The following BANF2 variants were observed in gnomAD, a reference collection of about 807,000 sequenced individuals.
BANF2 encodes barrier-to-autointegration factor-like protein.
A neutral mutation model predicts 8.0 loss-of-function variants in BANF2; 4 were observed. The observed-to-expected ratio is 0.50, with a 90% CI of 0.25 to 1.14. BANF2 has a LOEUF of 1.14. BANF2 is among the 50% of genes most tolerant of loss of function. The probability of loss-of-function intolerance (pLI) is 0.16; values close to 1 mark genes in which losing one functional copy is unlikely to be tolerated. For synonymous variants in BANF2, 50 were observed against 40.6 expected, an observed-to-expected ratio of 1.23 and a Z score of -0.88; for missense variants, 96 against 107.5, an observed-to-expected ratio of 0.89 and a Z score of 0.47.
chr20:17,708,054 A>C (rs1321384002), intron 1 of BANF2, among the ~76,000 whole-genome samples: 3 of 151,142 alleles, frequency 2.0e-5, no homozygotes, highest in Admixed American at 2.0e-4. Context: ...ATCAAAAAAA[A>C]AAAAAAAAAA....
At chr20:17,717,633 T>A (rs1334042527) in intron 1 of BANF2, among the ~76,000 whole-genome samples, 1 of 152,198 alleles carries the variant, frequency 6.6e-6, no homozygotes. Flanking sequence ...ATTCTTTTTA[T>A]CATAAAGGTA....
upstream of BANF2, among the ~76,000 whole-genome samples, chr20:17,697,839 G>T (rs2037359387): frequency 6.6e-6 from 1 of 152,164 alleles, no homozygotes; most frequent in African/African-American, 2.4e-5. Context: ...TGTCCTGGGG[G>T]CAGATCCCTC....
intron 1 of BANF2, among the ~76,000 whole-genome samples, chr20:17,714,954 C>T (rs1013023157): frequency 2.6e-5 from 4 of 152,048 alleles, no homozygotes; most frequent in Admixed American, 6.5e-5. Context: ...GGATTGTGGA[C>T]CTGTATGAAT....
intron 1 of BANF2, among the ~76,000 whole-genome samples, chr20:17,717,447 G>A (rs1456156840): frequency 1.3e-5 from 2 of 151,954 alleles, no homozygotes; most frequent in Non-Finnish European, 2.9e-5. Context: ...TTGAATATAC[G>A]AATCTACATT....
intron 1 of BANF2, among the ~76,000 whole-genome samples, chr20:17,720,664 A>C (rs745923171): frequency 3.3e-5 from 5 of 152,222 alleles, no homozygotes; most frequent in Non-Finnish European, 7.3e-5. Context: ...AAAGATGGAG[A>C]CTTGCTCTTC....
intron 1 of BANF2, among the ~76,000 whole-genome samples, chr20:17,703,147 T>C (rs1274384861): frequency 6.6e-6 from 1 of 152,262 alleles, no homozygotes; most frequent in Non-Finnish European, 1.5e-5. Context: ...GGTTTGCCCC[T>C]GTTCAACAGG....
rs566910721 is a variant in BANF2, at chr20:17,720,259, C to T, written c.-166-2457C>T. On this transcript the variant is annotated intron_variant, in intron 1 of 3. Transcript: ENST00000246090. ...TATGTACCCAAAAGAATTGAATGCACGTTCTCAAAGAGATATTTGTGTACC... is the reference window on the plus strand; with the variant it reads ...TATGTACCCAAAAGAATTGAATGCATGTTCTCAAAGAGATATTTGTGTACC... Among the ~76,000 whole-genome samples, 6 of 152,294 alleles carry T rather than the reference C, an allele frequency of 3.9e-5. No individual in the cohort carries two copies. In the East Asian group the frequency reaches 5.8e-4, roughly 15 times the overall value.
chr20:17,693,771 G>C (rs2037319040), intron 1 of BANF2: 3 of 1,528,064 alleles, frequency 2.0e-6, no homozygotes, highest in East Asian at 4.9e-5. Context: ...AAGGAGGCAA[G>C]GACAAATCAC....
intron 1 of BANF2, among the ~76,000 whole-genome samples, chr20:17,712,938 G>A (rs1049423664): frequency 6.6e-6 from 1 of 152,108 alleles, no homozygotes; most frequent in African/African-American, 2.4e-5. Context: ...ATGGAATGTT[G>A]TTTAGTCTTA....
At chr20:17,695,438 C>A (rs2037338783), upstream of BANF2, among the ~76,000 whole-genome samples, 1 of 105,866 alleles carries the variant, frequency 9.4e-6, no homozygotes, top group Non-Finnish European at 1.8e-5. Flanking sequence ...AGAGCAAGAC[C>A]TTGTCTCAAA....
intron 3 of BANF2, among the ~76,000 whole-genome samples, chr20:17,729,974 G>A (rs1021126213): frequency 6.6e-6 from 1 of 152,210 alleles, no homozygotes; most frequent in Non-Finnish European, 1.5e-5. Flanking sequence ...GTGTGCTTGA[G>A]TTCTCCCACA....
chr20:17,699,810 T>C, upstream of BANF2: 1 of 164,734 alleles, frequency 6.1e-6, no homozygotes, highest in Non-Finnish European at 1.3e-5. Flanking sequence ...GACAGGCTGA[T>C]TTCTTCTGGA....
At chr20:17,731,287 A>C (rs552482725) in intron 3 of BANF2, 1 of 152,276 alleles carries the variant, frequency 6.6e-6, no homozygotes, top group East Asian at 1.9e-4. Context: ...AGAAAAAAAA[A>C]CACACAAGAG....
At chr20:17,698,866 G>C (rs2037374266), upstream of BANF2, among the ~76,000 whole-genome samples, 1 of 152,212 alleles carries the variant, frequency 6.6e-6, no homozygotes, top group Non-Finnish European at 1.5e-5. Context: ...CAAAGCTACA[G>C]CTCCTGTTTA....
chr20:17,725,276 C>T (rs985330986), intron 3 of BANF2, 125 bp downstream of exon 3: 12 of 1,231,870 alleles, frequency 9.7e-6, no homozygotes, highest in African/African-American at 4.5e-5. Context: ...TGCCGCTTGG[C>T]GGGGTGCCAC....
chr20:17,718,851 T>A (rs1172116376), intron 1 of BANF2, among the ~76,000 whole-genome samples: 1 of 152,242 alleles, frequency 6.6e-6, no homozygotes, highest in Admixed American at 6.5e-5. Context: ...TCCCTGCCGA[T>A]GTGTCCTCCC....
chr20:17,732,610 C>G (rs1467979313), intron 3 of BANF2, among the ~76,000 whole-genome samples: 1 of 152,232 alleles, frequency 6.6e-6, no homozygotes, highest in Non-Finnish European at 1.5e-5. Flanking sequence ...GCCCGCTCAG[C>G]CTCCCAAAGT....
intron 1 of BANF2, among the ~76,000 whole-genome samples, chr20:17,714,803 A>G (rs1361100953): frequency 6.6e-6 from 1 of 152,132 alleles, no homozygotes; most frequent in Non-Finnish European, 1.5e-5. Flanking sequence ...AAATATTCAC[A>G]CTAACTGGGA....
intron 1 of BANF2, among the ~76,000 whole-genome samples, chr20:17,709,015 T>C (rs910275084): frequency 1.1e-4 from 16 of 152,258 alleles, no homozygotes. Flanking sequence ...CAGGTGATAA[T>C]GCAATCAATG....
Sources: allele counts gnomAD v4.1 joint callset (sites outside exome capture counted in the v4.1 genomes callset), GRCh38; gene constraint gnomAD v4.1.1; transcripts MANE v1.5; gene names NCBI Gene and HGNC (gene_info 2026-07-23, HGNC 2026-07-21).